KDM4C: variants seen among roughly 807,000 people sequenced by gnomAD.
The protein encoded by KDM4C is lysine-specific demethylase 4C.
In KDM4C, 81 loss-of-function variants were observed where a neutral mutation model predicts 129.3. The observed-to-expected ratio is 0.63, with a 90% CI of 0.52 to 0.75. KDM4C has a LOEUF of 0.75. Ranked by LOEUF, KDM4C falls within the 30% of genes least tolerant of loss-of-function variation. KDM4C has a pLI of 0.00. For synonymous variants in KDM4C, 573 were observed against 456.1 expected (o/e 1.26, Z -3.26); for missense variants, 1,457 against 1,304.0 (o/e 1.12, Z -1.81).
chr9:6,837,255 G>T (rs1016381241), intron 4 of KDM4C, among the ~76,000 whole-genome samples: 15 of 152,000 alleles, frequency 9.9e-5, no homozygotes, highest in South Asian at 4.1e-4. Flanking sequence ...ATGGGGTTTC[G>T]CCATGGTGCC....
At chr9:6,742,027 C>A (rs1334389832) in intron 1 of KDM4C, among the ~76,000 whole-genome samples, 1 of 151,566 alleles carries the variant, frequency 6.6e-6, no homozygotes, top group Non-Finnish European at 1.5e-5. Flanking sequence ...GGCTGAAGTG[C>A]AGTGGAGTGA....
chr9:7,140,204 C>T (rs568956672), intron 19 of KDM4C, among the ~76,000 whole-genome samples: 1 of 152,080 alleles, frequency 6.6e-6, no homozygotes, highest in Non-Finnish European at 1.5e-5. Context: ...TGACCATCAC[C>T]TGATGGTCGC....
intron 8 of KDM4C, among the ~76,000 whole-genome samples, chr9:6,919,851 A>T (rs528200743): frequency 6.6e-6 from 1 of 152,154 alleles, no homozygotes; most frequent in Admixed American, 6.5e-5. Context: ...CTAGGATTAT[A>T]GGTGTGAGCC....
At chr9:6,814,507 G>C in intron 3 of KDM4C, 124 bp from the exon 4 acceptor site, 3 of 550,924 alleles carry the variant, frequency 5.4e-6, no homozygotes, top group Non-Finnish European at 9.6e-6. Flanking sequence ...TGTTAGAATT[G>C]ACAACATGCA....
At chr9:6,951,288 C>G (rs937075574) in intron 8 of KDM4C, among the ~76,000 whole-genome samples, 1 of 152,124 alleles carries the variant, frequency 6.6e-6, no homozygotes, top group African/African-American at 2.4e-5. Flanking sequence ...CTAGCTGTAA[C>G]TTTGTATCCT....
At chr9:7,166,214 A>G (rs531964924) in intron 20 of KDM4C, among the ~76,000 whole-genome samples, 43 of 152,332 alleles carry the variant, frequency 2.8e-4, no homozygotes, top group South Asian at 1.4e-3. Flanking sequence ...CTGTTGAAAA[A>G]CAGCTTGAGA....
At chr9:7,066,709 A>T (rs1221598094) in intron 17 of KDM4C, among the ~76,000 whole-genome samples, 2 of 152,214 alleles carry the variant, frequency 1.3e-5, no homozygotes, top group African/African-American at 4.8e-5. Flanking sequence ...ACTGCTCCAA[A>T]TACTATGATG....
chr9:7,097,129 T>G (rs1040205376), intron 17 of KDM4C, among the ~76,000 whole-genome samples: 1 of 152,188 alleles, frequency 6.6e-6, no homozygotes, highest in Non-Finnish European at 1.5e-5. Context: ...CAGGGTAAGC[T>G]CACAGTCTAC....
chr9:7,011,529 G>A (rs1043968036), intron 12 of KDM4C, among the ~76,000 whole-genome samples, 169 bp from the exon 13 acceptor site: 1 of 152,144 alleles, frequency 6.6e-6, no homozygotes, highest in Non-Finnish European at 1.5e-5. Context: ...AGGATTATAA[G>A]GCAACTTCCC....
chr9:6,994,671 A>T (rs1373264320), intron 12 of KDM4C, among the ~76,000 whole-genome samples: 1 of 152,206 alleles, frequency 6.6e-6, no homozygotes, highest in Admixed American at 6.5e-5. Context: ...TCAGCCATTA[A>T]AAAGTTAAGT....
intron 4 of KDM4C, among the ~76,000 whole-genome samples, chr9:6,824,990 A>T (rs1588521029): frequency 6.6e-6 from 1 of 151,814 alleles, no homozygotes; most frequent in Non-Finnish European, 1.5e-5. Flanking sequence ...CTAAAAATAC[A>T]AAAAAATTAG....
intron 19 of KDM4C, among the ~76,000 whole-genome samples, chr9:7,131,377 A>G (rs1007876039): frequency 4.6e-5 from 7 of 152,114 alleles, no homozygotes; most frequent in African/African-American, 1.7e-4. Flanking sequence ...TTTTCCCCTT[A>G]TAATATTGTA....
intron 1 of KDM4C, among the ~76,000 whole-genome samples, chr9:6,730,479 G>T (rs1274448880): frequency 6.6e-6 from 1 of 151,988 alleles, no homozygotes; most frequent in Non-Finnish European, 1.5e-5. Flanking sequence ...GCTGGGCGTG[G>T]TGGCGGGCAC....
At chr9:7,010,500 C>G (rs1586890068) in intron 12 of KDM4C, among the ~76,000 whole-genome samples, 1 of 152,152 alleles carries the variant, frequency 6.6e-6, no homozygotes, top group African/African-American at 2.4e-5. Context: ...CACACTTACT[C>G]ACCAGTGATT....
chr9:7,086,313 T>A (rs985654564), intron 17 of KDM4C, among the ~76,000 whole-genome samples: 2 of 152,238 alleles, frequency 1.3e-5, no homozygotes, highest in Non-Finnish European at 2.9e-5. Context: ...AGCATTTTTG[T>A]GTGTCCCCTC....
intron 17 of KDM4C, among the ~76,000 whole-genome samples, chr9:7,103,056 A>T (rs1837281542): frequency 6.6e-6 from 1 of 152,212 alleles, no homozygotes; most frequent in African/African-American, 2.4e-5. Context: ...ATATTCAACC[A>T]AATTATGCCC....
intron 17 of KDM4C, among the ~76,000 whole-genome samples, chr9:7,054,607 A>T (rs886480176): frequency 6.6e-6 from 1 of 152,242 alleles, no homozygotes; most frequent in African/African-American, 2.4e-5. Flanking sequence ...CTTAGATTTG[A>T]TTATAAAATT....
At chr9:6,733,743 T>C (rs1053331318) in intron 1 of KDM4C, among the ~76,000 whole-genome samples, 2 of 152,224 alleles carry the variant, frequency 1.3e-5, no homozygotes, top group African/African-American at 2.4e-5. Context: ...GGCTATTCCA[T>C]AGACAGAGCA....
At chr9:6,725,382 C>A (rs1025217929) in intron 1 of KDM4C, among the ~76,000 whole-genome samples, 16 of 152,012 alleles carry the variant, frequency 1.1e-4, no homozygotes, top group Admixed American at 8.5e-4. Context: ...TGCTTATAAC[C>A]TTTATGATAT....
Sources: allele counts gnomAD v4.1 joint callset (sites outside exome capture counted in the v4.1 genomes callset), GRCh38; gene constraint gnomAD v4.1.1; transcripts MANE v1.5; gene names NCBI Gene and HGNC (gene_info 2026-07-23, HGNC 2026-07-21).